PFDN4: variants seen among roughly 807,000 people sequenced by gnomAD.
The protein encoded by PFDN4 is prefoldin subunit 4, also known as prefoldin 4.
Under a neutral mutation model 17.6 loss-of-function variants are expected in PFDN4, and 6 were observed. The observed-to-expected ratio is 0.34, with a 90% CI of 0.19 to 0.67. PFDN4 has a LOEUF of 0.67. Ranked by LOEUF, PFDN4 falls within the 30% of genes least tolerant of loss-of-function variation. The pLI, the probability that PFDN4 is intolerant of heterozygous loss-of-function variation, is 0.68. For synonymous variants in PFDN4, 48 were observed against 51.1 expected (o/e 0.94, Z 0.26); for missense variants, 119 against 158.4 (o/e 0.75, Z 1.33).
intron 1 of PFDN4, chr20:54,208,370 G>A: frequency 2.3e-6 from 1 of 430,392 alleles, no homozygotes; most frequent in Non-Finnish European, 4.1e-6. Context: ...GAAGGACGCA[G>A]GTCCGCCTCC....
At chr20:54,209,068 T>C (rs2092752321) in intron 1 of PFDN4, among the ~76,000 whole-genome samples, 1 of 152,160 alleles carries the variant, frequency 6.6e-6, no homozygotes, top group South Asian at 2.1e-4. Context: ...AGATAACGGC[T>C]GATAATTTGG....
intron 1 of PFDN4, among the ~76,000 whole-genome samples, chr20:54,214,118 C>T (rs2092759509): frequency 6.6e-6 from 1 of 152,022 alleles, no homozygotes; most frequent in Non-Finnish European, 1.5e-5. Context: ...TTTATGTTTG[C>T]AATATGTTTA....
intron 3 of PFDN4, among the ~76,000 whole-genome samples, chr20:54,217,115 A>T (rs900740663): frequency 6.6e-6 from 1 of 152,220 alleles, no homozygotes; most frequent in Non-Finnish European, 1.5e-5. Flanking sequence ...AAGAAAAAAA[A>T]GTAAACAAAA....
chr20:54,218,414 T>C (rs1159025435), intron 3 of PFDN4, among the ~76,000 whole-genome samples: 3 of 152,160 alleles, frequency 2.0e-5, no homozygotes, highest in African/African-American at 7.2e-5. Flanking sequence ...ATTAATACAA[T>C]ATGGAATAAT....
At chr20:54,208,471 G>A in intron 1 of PFDN4, 1 of 301,384 alleles carries the variant, frequency 3.3e-6, no homozygotes, top group Non-Finnish European at 6.1e-6. Flanking sequence ...CCCGTTGAGT[G>A]TGGTTGGCCT....
intron 1 of PFDN4, among the ~76,000 whole-genome samples, chr20:54,212,930 T>C (rs1166492921): frequency 1.3e-5 from 2 of 152,258 alleles, no homozygotes; most frequent in Admixed American, 6.5e-5. Context: ...ATGTAAAGGA[T>C]TTTTTCAGGC....
intron 1 of PFDN4, among the ~76,000 whole-genome samples, chr20:54,209,890 C>G (rs2092753457): frequency 6.6e-6 from 1 of 152,094 alleles, no homozygotes; most frequent in Admixed American, 6.5e-5. Context: ...CTCATAGCCC[C>G]AAAGAACGTA....
intron 3 of PFDN4, among the ~76,000 whole-genome samples, chr20:54,215,773 T>C (rs1424969344): frequency 6.6e-6 from 1 of 152,260 alleles, no homozygotes; most frequent in Non-Finnish European, 1.5e-5. Flanking sequence ...AAAAATCCCC[T>C]GTAATTCTGC....
intron 1 of PFDN4, among the ~76,000 whole-genome samples, chr20:54,209,222 C>T (rs556523968): frequency 1.3e-5 from 2 of 152,296 alleles, no homozygotes; most frequent in African/African-American, 4.8e-5. Context: ...TAAACACAGG[C>T]ATTCTGACTC....
chr20:54,208,220 G>T, intron 1 of PFDN4, 96 bp downstream of exon 1: 2 of 1,169,440 alleles, frequency 1.7e-6, no homozygotes, highest in Non-Finnish European at 1.1e-6. Flanking sequence ...CAGCTCCGAA[G>T]CCCGGCGTGG....
rs1320373066 is a variant in PFDN4 at position 54,219,779 on chromosome 20, A to G, written c.*629A>G. Reference sequence around the variant, plus strand: ...GGGCAGAACCACAGAAGAACGTTTTAGAAACCAAGAGATGTGCAGAAAGAA... The same window carrying G: ...GGGCAGAACCACAGAAGAACGTTTTGGAAACCAAGAGATGTGCAGAAAGAA... On this transcript the variant is annotated 3_prime_UTR_variant, in exon 4 of 4. Transcript: ENST00000371419. The G allele has an allele frequency of 2.5e-6, 1 of 398,278 alleles. No homozygotes were observed. The highest frequency in any genetic ancestry group is 4.4e-6 in the Non-Finnish European group (1 of 225,972). The allele number at this position is 398,278 out of a possible 1,614,324, so 24.7% of individuals were successfully genotyped here. A position where few individuals can be genotyped will look rare whatever the true frequency, so the allele number is the denominator to read the frequency against.
rs2092766607 is a variant in PFDN4 at position 54,219,240 on chromosome 20, A to C, written c.*90A>C. The C allele has an allele frequency of 1.2e-6, 1 of 821,088 alleles. No individual in the cohort carries two copies. 50.9% of individuals were successfully genotyped at this position (821,088 alleles called of 1,614,324 possible). A position where few individuals can be genotyped will look rare whatever the true frequency, so the allele number is the denominator to read the frequency against. On this transcript the variant is annotated 3_prime_UTR_variant, in exon 4 of 4. Transcript: ENST00000371419. ...CTTCTTCAAATGACATGGAAAGCAAAACTTTCTTTTTTAAAAATTTTCATT... is the reference window on the plus strand; with the variant it reads ...CTTCTTCAAATGACATGGAAAGCAACACTTTCTTTTTTAAAAATTTTCATT...
At chr20:54,211,146 G>T (rs1367268060) in intron 1 of PFDN4, among the ~76,000 whole-genome samples, 2 of 152,138 alleles carry the variant, frequency 1.3e-5, no homozygotes, top group Non-Finnish European at 1.5e-5. Context: ...ACATCATACA[G>T]ACTTGGTAGA....
intron 3 of PFDN4, 28 bp downstream of exon 3, chr20:54,215,468 G>A: frequency 1.4e-6 from 2 of 1,445,150 alleles, no homozygotes; most frequent in Non-Finnish European, 1.9e-6. Context: ...TCTGAAATTA[G>A]AATTTATATC....
At chr20:54,215,252 C>T in intron 2 of PFDN4, 48 bp from the exon 3 acceptor site, 1 of 1,464,212 alleles carries the variant, frequency 6.8e-7, no homozygotes, top group Non-Finnish European at 9.3e-7. Flanking sequence ...CCTTTAGCTT[C>T]TATCAGAGAA....
chr20:54,213,605 C>T (rs1346303410), intron 1 of PFDN4, among the ~76,000 whole-genome samples: 1 of 152,152 alleles, frequency 6.6e-6, no homozygotes, highest in African/African-American at 2.4e-5. Context: ...GGTGATCCTC[C>T]CTAATAAGAT....
Position 54,212,430 on chromosome 20 carries a change from G to T in PFDN4, c.25-1921G>T, listed in dbSNP as rs190721333. Among the ~76,000 whole-genome samples the T allele has an allele frequency of 2.6e-4, 39 of 152,298 alleles. 1 individual carries two copies. In the East Asian group the frequency reaches 7.5e-3, roughly 29 times the overall value. ...CACTGTAAAGATCTGGATACCAGGG[G>T]CCACATGTGTGCTGATGCCTGTGGT... On this transcript the variant is annotated intron_variant, in intron 1 of 3. Transcript: ENST00000371419.
intron 3 of PFDN4, 99 bp downstream of exon 3, chr20:54,215,539 T>C: frequency 2.6e-6 from 2 of 757,500 alleles, no homozygotes; most frequent in East Asian, 2.8e-5. Flanking sequence ...ATAGCTAATA[T>C]TTACTGCCTT....
chr20:54,210,381 A>G (rs989319372), intron 1 of PFDN4, among the ~76,000 whole-genome samples: 22 of 152,226 alleles, frequency 1.4e-4, no homozygotes, highest in Non-Finnish European at 2.4e-4. Context: ...TGCCCTCACT[A>G]GGAGAAAACA....
Sources: gnomAD v4.1 joint callset for allele counts (sites outside exome capture counted in the v4.1 genomes callset) on GRCh38, gnomAD v4.1.1 for gene constraint, MANE v1.5 for transcripts, NCBI Gene and HGNC (gene_info 2026-07-23, HGNC 2026-07-21) for gene names.